SLC7A10: variants seen among roughly 807,000 people sequenced by gnomAD.
SLC7A10 encodes solute carrier family 7 member 10, also known as asc-type amino acid transporter 1.
Under a neutral mutation model 52.7 loss-of-function variants are expected in SLC7A10, and 30 were observed. That is an observed-to-expected ratio of 0.57 (90% CI 0.43 to 0.77). The LOEUF is 0.77. SLC7A10 is among the 30% of genes least tolerant of loss of function. The probability of loss-of-function intolerance (pLI) is 0.00; values close to 1 mark genes in which losing one functional copy is unlikely to be tolerated. For synonymous variants in SLC7A10, 318 were observed against 314.9 expected (o/e 1.01, Z -0.10); for missense variants, 581 against 698.5 (o/e 0.83, Z 1.90).
At chr19:33,218,690 T>TCTTTC (rs199544613) in intron 1 of SLC7A10, among the ~76,000 whole-genome samples, 6 of 90,428 alleles carry the variant, frequency 6.6e-5, no homozygotes, top group Non-Finnish European at 4.2e-5. Flanking sequence ...TCTTTTTTTT[T>TCTTTC]TTTTTTTAGT....
chr19:33,216,384 G>A (rs1294198996), intron 1 of SLC7A10, among the ~76,000 whole-genome samples: 2 of 152,190 alleles, frequency 1.3e-5, no homozygotes, highest in East Asian at 1.9e-4. Flanking sequence ...GTCTACCTCA[G>A]AGCCCCAGGC....
At chr19:33,211,760 C>CAGGG in intron 5 of SLC7A10, 1 of 718,574 alleles carries the variant, frequency 1.4e-6, no homozygotes, top group Non-Finnish European at 2.2e-6. Flanking sequence ...GGGGGAGGGG[C>CAGGG]CCCATCACAT....
Position 33,209,426 on chromosome 19 carries a change from G to A in SLC7A10, c.1323C>T (p.Ser441=), listed in dbSNP as rs891131927. ...CACAGACCATAGGCTCTGAGATGAA[G>A]CTGAAGACCAGCAGGAAGGCCCAGA... The part of the protein sequence containing the change: ...LVFWAFLLVF[S]FISEPMVCGV... The change falls in exon 10 of 11, where the codon AGC becomes AGT. Residue 441 remains serine (S), a synonymous_variant. Transcript: ENST00000253188. 6.2e-7 allele frequency: 1 copy of A among 1,613,964 alleles called. No homozygotes were observed. The highest frequency in any genetic ancestry group is 8.5e-7 in the Non-Finnish European group (1 of 1,180,022).
In SLC7A10 at chr19:33,212,895, A is replaced by G; in HGVS notation, c.464T>C (p.Ile155Thr). 1 of 1,613,754 alleles carries G rather than the reference A, an allele frequency of 6.2e-7. No individual in the cohort carries two copies. Among genetic ancestry groups the G allele is most frequent in the East Asian group, 2.2e-5 (1 of 44,852 alleles). The change falls in exon 3 of 11, where the codon ATC (isoleucine) becomes ACC (threonine). Residue 155 changes from isoleucine (I) to threonine (T), a missense_variant. Transcript: ENST00000253188. ...YVLQPVFPNC[I>T]PPTTASRVLS... The stretch of plus-strand genomic sequence containing the variant: ...CACCCGGGAGGCTGTGGTGGGGGGG[A>G]TGCAGTTGGGGAACACGGGCTGCAG...
intron 2 of SLC7A10, among the ~76,000 whole-genome samples, chr19:33,213,765 T>G (rs1299742690): frequency 6.6e-6 from 1 of 152,206 alleles, no homozygotes; most frequent in Non-Finnish European, 1.5e-5. Flanking sequence ...GTGCAGAGAC[T>G]AGACCTTACC....
chr19:33,208,947 C>G lies in SLC7A10; in HGVS notation c.1516G>C (p.Gly506Arg). The change falls in exon 11 of 11, where the codon GGC (glycine) becomes CGC (arginine). Residue 506 changes from glycine to arginine, a missense_variant. Transcript: ENST00000253188. This position sits in a 1 kb window ranked among gnomAD's most constrained non-coding sequence, Gnocchi z 4.7. ...GGCAGCAGGGAGGGTGGGCAGGGGCCATTCTCCTCCTCTTCGGGGGCGTCC... is the reference window on the plus strand; with the variant it reads ...GGCAGCAGGGAGGGTGGGCAGGGGCGATTCTCCTCCTCTTCGGGGGCGTCC... ...PQDAPEEEEN[G>R]PCPPSLLPAT... is the part of the protein sequence containing the mutation. 1 of 1,613,752 alleles carries G rather than the reference C, an allele frequency of 6.2e-7. No individual in the cohort carries two copies. The highest frequency in any genetic ancestry group is 1.7e-5 in the Admixed American group (1 of 60,008).
At chr19:33,220,192 C>T (rs1228276398) in intron 1 of SLC7A10, 1 of 152,270 alleles carries the variant, frequency 6.6e-6, no homozygotes. Flanking sequence ...CCAGGATGTG[C>T]CTGGAACTGC....
chr19:33,225,014 C>T (rs938137366), intron 1 of SLC7A10, among the ~76,000 whole-genome samples: 4 of 152,254 alleles, frequency 2.6e-5, no homozygotes, highest in Non-Finnish European at 5.9e-5. Flanking sequence ...CTGCTCTGAA[C>T]CTCCGTCCCT....
intron 1 of SLC7A10, among the ~76,000 whole-genome samples, chr19:33,217,547 A>G (rs1426472223): frequency 6.6e-6 from 1 of 151,872 alleles, no homozygotes; most frequent in African/African-American, 2.4e-5. Flanking sequence ...AGACCATATG[A>G]ACAAACAGCC....
At chr19:33,213,260 A>C (rs1269089382) in intron 2 of SLC7A10, among the ~76,000 whole-genome samples, 3 of 151,756 alleles carry the variant, frequency 2.0e-5, no homozygotes, top group Admixed American at 2.0e-4. Flanking sequence ...GCTGGGAACA[A>C]CATAGGCACC....
At chr19:33,215,047 C>T (rs1344056057) in intron 2 of SLC7A10, among the ~76,000 whole-genome samples, 1 of 152,056 alleles carries the variant, frequency 6.6e-6, no homozygotes, top group African/African-American at 2.4e-5. Flanking sequence ...GGGTGGATCA[C>T]CTGAGGTCAG....
chr19:33,215,469 C>G (rs913627943), intron 2 of SLC7A10, among the ~76,000 whole-genome samples: 13 of 152,030 alleles, frequency 8.6e-5, no homozygotes, highest in African/African-American at 2.9e-4. Flanking sequence ...AGAGGGACCT[C>G]TATTTAAAAG....
rs765762004 is a variant in SLC7A10 at position 33,210,589 on chromosome 19, C to G, written c.1141G>C (p.Val381Leu). 6.2e-7 allele frequency: 1 copy of G among 1,611,902 alleles called. No homozygotes were observed. Among genetic ancestry groups the G allele is most frequent in the African/African-American group, 1.3e-5 (1 of 74,940 alleles). ...CCGATAVIML[V>L]GDTYTLINYV... is the part of the protein sequence containing the mutation. ...TTGATGAGCGTGTACGTGTCGCCCA[C>G]GAGCATGATGACGGCTGTGGCCCCG... The change falls in exon 9 of 11, where the codon GTG becomes CTG. Residue 381 changes from valine to leucine, a missense_variant. Transcript: ENST00000253188. The surrounding 1 kb of genome is among the most constrained non-coding windows in gnomAD (Gnocchi z 5.6).
intron 10 of SLC7A10, 37 bp downstream of exon 10, chr19:33,209,271 C>T (rs759177038): frequency 3.6e-5 from 58 of 1,612,228 alleles, no homozygotes; most frequent in Non-Finnish European, 4.7e-5. Context: ...CAGGCCCCGG[C>T]CCCCTGTGCT....
At chr19:33,218,674 T>TTCCTTCCTTCCTTCCTTCCTTCC (rs1974744281) in intron 1 of SLC7A10, among the ~76,000 whole-genome samples, 1 of 66,508 alleles carries the variant, frequency 1.5e-5, no homozygotes. Context: ...TCTTTCTTTC[T>TTCCTTCCTTCCTTCCTTCCTTCC]TTCTTTCTTT....
intron 1 of SLC7A10, among the ~76,000 whole-genome samples, chr19:33,225,015 C>T (rs1319633042): frequency 6.6e-6 from 1 of 152,270 alleles, no homozygotes; most frequent in African/African-American, 2.4e-5. Context: ...TGCTCTGAAC[C>T]TCCGTCCCTT....
chr19:33,211,727 C>T lies in SLC7A10; in HGVS notation c.789-190G>A, dbSNP rs1974559184. 4 of 1,084,824 alleles carry T rather than the reference C, an allele frequency of 3.7e-6. No homozygotes were observed. In the South Asian group the frequency reaches 5.9e-5, roughly 16 times the overall value. The allele number at this position is 1,084,824 out of a possible 1,614,324, so 67.2% of individuals were successfully genotyped here. A position where few individuals can be genotyped will look rare whatever the true frequency, so the allele number is the denominator to read the frequency against. ...CTGCCCTGCCCCACCCCCACCTGGACACAGGCTGGTAGGATGGGAGATGGG... is the reference window on the plus strand; with the variant it reads ...CTGCCCTGCCCCACCCCCACCTGGATACAGGCTGGTAGGATGGGAGATGGG... On this transcript the variant is annotated intron_variant, in intron 5 of 10. Coordinates refer to ENST00000253188, the MANE Select transcript of SLC7A10 (RefSeq NM_019849.3).
chr19:33,223,943 T>TCACCACCACCACCAC (rs80120440), intron 1 of SLC7A10, among the ~76,000 whole-genome samples: 3 of 147,108 alleles, frequency 2.0e-5, no homozygotes, highest in Admixed American at 1.4e-4. Flanking sequence ...ACCTCTACCA[T>TCACCACCACCACCAC]CACCACCACC....
At chr19:33,222,525 A>G (rs1366837426) in intron 1 of SLC7A10, among the ~76,000 whole-genome samples, 1 of 152,016 alleles carries the variant, frequency 6.6e-6, no homozygotes, top group East Asian at 1.9e-4. Context: ...ACAGAGCCCA[A>G]ATCTGGTTCC....
Sources: gnomAD v4.1 joint callset for allele counts (sites outside exome capture counted in the v4.1 genomes callset) on GRCh38, gnomAD v4.1.1 for gene constraint, Gnocchi (gnomAD v3.1) non-coding constraint, MANE v1.5 for transcripts, NCBI Gene and HGNC (gene_info 2026-07-23, HGNC 2026-07-21) for gene names.